GPR107: variants seen among roughly 807,000 people sequenced by gnomAD.
The protein encoded by GPR107 is G protein-coupled receptor 107.
GPR107 carries 31 observed loss-of-function variants against 75.5 expected under a neutral mutation model. That is an observed-to-expected ratio of 0.41 (90% CI 0.31 to 0.55). The LOEUF (loss-of-function observed/expected upper bound fraction) is 0.55. Among genes scored for constraint, GPR107 ranks in the 20% least tolerant of loss-of-function variants. The probability of loss-of-function intolerance (pLI) is 0.26; values close to 1 mark genes in which losing one functional copy is unlikely to be tolerated. For synonymous variants in GPR107, 267 were observed against 251.3 expected (o/e 1.06, Z -0.59); for missense variants, 572 against 665.7 (o/e 0.86, Z 1.55).
At chr9:130,090,557 G>A (rs927231888) in intron 7 of GPR107, among the ~76,000 whole-genome samples, 4 of 152,188 alleles carry the variant, frequency 2.6e-5, no homozygotes, top group African/African-American at 4.8e-5. Flanking sequence ...TAGAAGTGAG[G>A]TTGTGGCTAT....
chr9:130,100,968 A>G lies in GPR107; in HGVS notation c.1014-138A>G, dbSNP rs1363371577. ...GTGTGCCCTGAAGGAAGTGGTGCTC[A>G]TGTATGATGGATTTCCTAAATTTGG... On this transcript the variant is annotated intron_variant, in intron 11 of 17. Coordinates refer to ENST00000347136, the MANE Select transcript of GPR107 (RefSeq NM_020960.5). 4 of 698,246 alleles carry G rather than the reference A, an allele frequency of 5.7e-6. No homozygotes were observed. In the Admixed American group the frequency reaches 6.4e-5, roughly 11 times the overall value. The allele number at this position is 698,246 out of a possible 1,614,324, so 43.3% of individuals were successfully genotyped here.
At chr9:130,087,340 A>T (rs1486465249) in intron 7 of GPR107, among the ~76,000 whole-genome samples, 1 of 152,072 alleles carries the variant, frequency 6.6e-6, no homozygotes, top group African/African-American at 2.4e-5. Flanking sequence ...GCCTGGTCTC[A>T]CTTACTTTCT....
rs1785361329 is a variant in GPR107, at chr9:130,054,006, C to T, written c.74C>T (p.Pro25Leu). Residue 25 changes from proline to leucine, a missense_variant, in exon 1 of 18, where the codon CCA becomes CTA. Coordinates refer to ENST00000347136, the MANE Select transcript of GPR107 (RefSeq NM_020960.5). ...CTGGCCGCGGGCCTCCGGCTGCTCC[C>T]AATGCTGGGTTTGCTGCAGTTGCTG... is the stretch of plus-strand genomic sequence containing the variant. Reference protein sequence around the residue: ...PRLAAGLRLLPMLGLLQLLAE... With the variant: ...PRLAAGLRLLLMLGLLQLLAE... 6.4e-7 allele frequency: 1 copy of T among 1,553,958 alleles called. No individual in the cohort carries two copies. Among genetic ancestry groups the T allele is most frequent in the Non-Finnish European group, 8.7e-7 (1 of 1,149,010 alleles).
At chr9:130,090,229 C>T (rs1830702365) in intron 7 of GPR107, among the ~76,000 whole-genome samples, 1 of 152,174 alleles carries the variant, frequency 6.6e-6, no homozygotes, top group African/African-American at 2.4e-5. Flanking sequence ...CTAAGTCTGT[C>T]TGTCTTTTGG....
chr9:130,054,065 GCA>G lies in GPR107; in HGVS notation c.135_136del (p.Leu46GlnfsTer3). On this transcript the variant is annotated frameshift_variant, in exon 1 of 18. Coordinates refer to ENST00000347136, the MANE Select transcript of GPR107 (RefSeq NM_020960.5). LOFTEE classifies it high-confidence loss of function. ...EPGLGRVHHLALKDDVRHKVH... is the reference protein window; with the variant it reads ...EPGLGRVHHLXLKDDVRHKVH... ...TGGCCTGGGCCGCGTCCATCACCTGGCACTCAAGGTAAAGCTTGGCAAGGCCG... is the reference window on the plus strand; with the variant it reads ...TGGCCTGGGCCGCGTCCATCACCTGGCTCAAGGTAAAGCTTGGCAAGGCCG... The G allele has an allele frequency of 6.4e-7, 1 of 1,551,582 alleles. No individual in the cohort carries two copies. Among genetic ancestry groups the G allele is most frequent in the Non-Finnish European group, 8.7e-7 (1 of 1,147,362 alleles).
At chr9:130,074,340 C>T (rs984565826) in intron 1 of GPR107, among the ~76,000 whole-genome samples, 17 of 152,270 alleles carry the variant, frequency 1.1e-4, no homozygotes, top group Admixed American at 5.2e-4. Flanking sequence ...CATTAGACTA[C>T]CCGGGATGTC....
Position 130,112,957 on chromosome 9 carries a change from C to T in GPR107, c.1306+5418C>T, listed in dbSNP as rs974985020. Among the ~76,000 whole-genome samples the T allele has an allele frequency of 1.3e-5, 2 of 151,940 alleles. No individual in the cohort carries two copies. Among genetic ancestry groups the T allele is most frequent in the African/African-American group, 2.4e-5 (1 of 41,346 alleles). ...TAGAGATAGGATTTTGTCATATTGC[C>T]CAGGCTAGTCTCAAACTCCTGAGCT... On this transcript the variant is annotated intron_variant, in intron 14 of 17. Transcript: ENST00000347136. This position sits in a 1 kb window ranked among gnomAD's most constrained non-coding sequence, Gnocchi z 4.0.
intron 14 of GPR107, among the ~76,000 whole-genome samples, chr9:130,113,926 C>T (rs1441946204): frequency 6.6e-6 from 1 of 151,600 alleles, no homozygotes; most frequent in Admixed American, 6.6e-5. Context: ...AATACTCCCT[C>T]ACAGCAAGTT....
intron 14 of GPR107, 40 bp from the exon 15 acceptor site, chr9:130,124,875 A>T: frequency 7.6e-7 from 1 of 1,314,988 alleles, no homozygotes; most frequent in Non-Finnish European, 1.1e-6. Flanking sequence ...TAAAAATGAG[A>T]AGTTAACGAG....
At chr9:130,084,702 G>A (rs1303791811) in intron 6 of GPR107, among the ~76,000 whole-genome samples, 1 of 151,990 alleles carries the variant, frequency 6.6e-6, no homozygotes, top group Non-Finnish European at 1.5e-5. Context: ...CCTGAGCCTG[G>A]GAGGCTAAGG....
chr9:130,133,307 C>T (rs1831874558), intron 17 of GPR107: 1 of 152,374 alleles, frequency 6.6e-6, no homozygotes, highest in South Asian at 2.1e-4. Context: ...AGTCTGCCGT[C>T]AGGCCCATAT....
chr9:130,127,587 A>C, intron 16 of GPR107, 21 bp downstream of exon 16: 1 of 1,302,208 alleles, frequency 7.7e-7, no homozygotes, highest in Non-Finnish European at 1.1e-6. Flanking sequence ...CACAGGGCAG[A>C]ATGCCAGAGA....
intron 17 of GPR107, chr9:130,129,795 C>G (rs533962625): frequency 1.3e-5 from 2 of 152,334 alleles, no homozygotes; most frequent in South Asian, 4.1e-4. Context: ...TTTATCATTC[C>G]CCTGCTGGGA....
intron 14 of GPR107, among the ~76,000 whole-genome samples, chr9:130,120,453 C>A (rs1589526728): frequency 6.6e-6 from 1 of 152,312 alleles, no homozygotes; most frequent in East Asian, 1.9e-4. Context: ...GTGCCTTAAC[C>A]TCTTTGCTTT....
In GPR107 at chr9:130,083,575, G is replaced by C; in HGVS notation, c.537G>C (p.Lys179Asn). 1 of 1,525,808 alleles carries C rather than the reference G, an allele frequency of 6.6e-7. No individual in the cohort carries two copies. Among genetic ancestry groups the C allele is most frequent in the Non-Finnish European group, 8.7e-7 (1 of 1,145,654 alleles). The allele number at this position is 1,525,808 out of a possible 1,614,324, so 94.5% of individuals were successfully genotyped here. ...TGTTCTTGCTTCTAGATGGTGGAAA[G>C]TCTAAAAGAAGTACAGTGGATTCAA... The part of the protein sequence containing the change: ...NQTQKTQDGG[K>N]SKRSTVDSKA... The change falls in exon 6 of 18, where the codon AAG becomes AAC. Residue 179 changes from lysine to asparagine, a missense_variant. Transcript: ENST00000347136.
chr9:130,134,374 G>A (rs563096016), intron 17 of GPR107, among the ~76,000 whole-genome samples: 60 of 152,274 alleles, frequency 3.9e-4, no homozygotes, highest in African/African-American at 1.3e-3. Context: ...TGATTTCAAC[G>A]AATGGCTCCA....
chr9:130,077,132 C>T (rs1266140374), intron 3 of GPR107, among the ~76,000 whole-genome samples, 167 bp from the exon 4 acceptor site: 1 of 152,086 alleles, frequency 6.6e-6, no homozygotes, highest in African/African-American at 2.4e-5. Context: ...ACGATCCACC[C>T]ACCTCGGCCT....
Position 130,139,929 on chromosome 9 carries a change from A to G in GPR107, c.*4808A>G, listed in dbSNP as rs1832059409. 2 of 152,212 alleles carry G rather than the reference A, an allele frequency of 1.3e-5. No homozygotes were observed. The highest frequency in any genetic ancestry group is 4.1e-4 in the South Asian group (2 of 4,822). 9.4% of individuals were successfully genotyped at this position (152,212 alleles called of 1,614,324 possible). A position where few individuals can be genotyped will look rare whatever the true frequency, so the allele number is the denominator to read the frequency against. ...AAAAGAAGTCAGACATATTTAATCC[A>G]GAAATAGTTTCGTTTGAGGGAGGGC... On this transcript the variant is annotated 3_prime_UTR_variant, in exon 18 of 18. Transcript: ENST00000347136.
chr9:130,099,321 A>G, intron 9 of GPR107, 136 bp from the exon 10 acceptor site: 2 of 604,354 alleles, frequency 3.3e-6, no homozygotes, highest in Admixed American at 5.8e-5. Flanking sequence ...TCTCAAAAAA[A>G]AAAAAAAGTT....
Sources: allele counts gnomAD v4.1 joint callset (sites outside exome capture counted in the v4.1 genomes callset), GRCh38; gene constraint gnomAD v4.1.1; non-coding constraint Gnocchi (gnomAD v3.1); transcripts MANE v1.5; gene names NCBI Gene and HGNC (gene_info 2026-07-23, HGNC 2026-07-21).